PRKACB: variants seen among roughly 807,000 people sequenced by gnomAD.
PRKACB encodes the protein cAMP-dependent protein kinase catalytic subunit beta.
PRKACB carries 16 observed loss-of-function variants against 51.4 expected under a neutral mutation model. That is an observed-to-expected ratio of 0.31 (90% CI 0.21 to 0.47). PRKACB has a LOEUF of 0.47. PRKACB is among the 20% of genes least tolerant of loss of function. The pLI, the probability that PRKACB is intolerant of heterozygous loss-of-function variation, is 1.00. For synonymous variants in PRKACB, 147 were observed against 154.4 expected (o/e 0.95, Z 0.35); for missense variants, 309 against 464.5 (o/e 0.67, Z 3.08).
intron 1 of PRKACB, chr1:84,086,022 G>A: frequency 3.6e-6 from 3 of 822,120 alleles, no homozygotes; most frequent in Non-Finnish European, 6.5e-6. Context: ...AAGATCCTGG[G>A]GCTGAGGTTA....
At chr1:84,187,291 G>T (rs1377375787) in intron 5 of PRKACB, among the ~76,000 whole-genome samples, 1 of 152,108 alleles carries the variant, frequency 6.6e-6, no homozygotes, top group African/African-American at 2.4e-5. Flanking sequence ...GGCTTTAGCA[G>T]GTCTCACCAG....
intron 1 of PRKACB, among the ~76,000 whole-genome samples, chr1:84,131,675 A>G (rs1265636431): frequency 6.6e-6 from 1 of 152,192 alleles, no homozygotes; most frequent in African/African-American, 2.4e-5. Flanking sequence ...TCTGGAGAGA[A>G]AAGCAAATCC....
Position 84,236,006 on chromosome 1 carries a change from G to A in PRKACB, c.*701G>A, listed in dbSNP as rs1482382144. 6.6e-6 allele frequency: 1 copy of A among 152,570 alleles called. No individual in the cohort carries two copies. Among genetic ancestry groups the A allele is most frequent in the Non-Finnish European group, 1.5e-5 (1 of 68,024 alleles). 9.5% of individuals were successfully genotyped at this position (152,570 alleles called of 1,614,324 possible). On this transcript the variant is annotated 3_prime_UTR_variant, in exon 10 of 10. Transcript: ENST00000370685. The stretch of plus-strand genomic sequence containing the variant: ...CTCTCCTTGAGTAATGAAGTGACCA[G>A]CCTGTGTAGTGTGACAAACGTGTCT...
intron 1 of PRKACB, among the ~76,000 whole-genome samples, chr1:84,110,481 C>T (rs1031208261): frequency 4.6e-5 from 7 of 151,686 alleles, no homozygotes; most frequent in African/African-American, 1.5e-4. Flanking sequence ...TCATCTTATT[C>T]TCAAATTCCC....
At chr1:84,152,493 A>T (rs1654965150) in intron 1 of PRKACB, among the ~76,000 whole-genome samples, 1 of 152,322 alleles carries the variant, frequency 6.6e-6, no homozygotes. Flanking sequence ...TTCTGCATTG[A>T]AAATCTGTTG....
At chr1:84,103,435 G>T (rs1649503749) in intron 1 of PRKACB, among the ~76,000 whole-genome samples, 1 of 151,822 alleles carries the variant, frequency 6.6e-6, no homozygotes, top group Non-Finnish European at 1.5e-5. Flanking sequence ...GTGTGGGGGT[G>T]GGGGGTAGAG....
intron 1 of PRKACB, among the ~76,000 whole-genome samples, chr1:84,174,806 A>C (rs1660682519): frequency 6.6e-6 from 1 of 151,912 alleles, no homozygotes; most frequent in South Asian, 2.1e-4. Context: ...TGTTGTTTTA[A>C]GGAAAATAAG....
At chr1:84,136,520 T>A (rs61769174) in intron 1 of PRKACB, among the ~76,000 whole-genome samples, 961 of 74,794 alleles carry the variant, frequency 0.013, 11 homozygotes, top group African/African-American at 0.035. Flanking sequence ...ACACACACAC[T>A]CACTCTGACT....
chr1:84,079,953 A>G (rs190789431), intron 1 of PRKACB, among the ~76,000 whole-genome samples: 84 of 152,192 alleles, frequency 5.5e-4, no homozygotes, highest in African/African-American at 2.0e-3. Flanking sequence ...GGCGTGAGCT[A>G]CCGTGCGTGA....
intron 1 of PRKACB, among the ~76,000 whole-genome samples, chr1:84,148,240 C>T (rs1468471839): frequency 6.6e-6 from 1 of 152,080 alleles, no homozygotes; most frequent in Non-Finnish European, 1.5e-5. Context: ...TCTCAGGTAT[C>T]ATCTCTGTAA....
intron 8 of PRKACB, among the ~76,000 whole-genome samples, chr1:84,213,947 C>A (rs532866623): frequency 6.6e-6 from 1 of 152,294 alleles, no homozygotes; most frequent in South Asian, 2.1e-4. Context: ...CCTAAGAGAA[C>A]AGGTTTAGTT....
At chr1:84,115,122 A>G (rs1650528889) in intron 1 of PRKACB, among the ~76,000 whole-genome samples, 1 of 151,888 alleles carries the variant, frequency 6.6e-6, no homozygotes, top group East Asian at 1.9e-4. Flanking sequence ...ACCATTTTCC[A>G]TAGTGGCAGT....
At chr1:84,092,535 G>A (rs537296614) in intron 1 of PRKACB, among the ~76,000 whole-genome samples, 1 of 152,218 alleles carries the variant, frequency 6.6e-6, no homozygotes, top group East Asian at 1.9e-4. Context: ...ATGAATATGT[G>A]TTATGTATAC....
At chr1:84,198,759 A>G (rs1668908897) in intron 7 of PRKACB, among the ~76,000 whole-genome samples, 1 of 150,582 alleles carries the variant, frequency 6.6e-6, no homozygotes, top group Non-Finnish European at 1.5e-5. Context: ...TAAACAAACA[A>G]CCAAAAAAAA....
intron 1 of PRKACB, among the ~76,000 whole-genome samples, chr1:84,097,781 G>T (rs1649037893): frequency 6.6e-6 from 1 of 151,810 alleles, no homozygotes; most frequent in Non-Finnish European, 1.5e-5. Context: ...AGTCTTAAAA[G>T]AAAAGAAAAA....
At chr1:84,175,228 T>C (rs1039820070) in intron 1 of PRKACB, among the ~76,000 whole-genome samples, 4 of 151,782 alleles carry the variant, frequency 2.6e-5, no homozygotes, top group Non-Finnish European at 4.4e-5. Flanking sequence ...TTTATCTATA[T>C]AAATGATTTA....
At chr1:84,232,782 C>G (rs2101709781) in intron 9 of PRKACB, among the ~76,000 whole-genome samples, 1 of 152,110 alleles carries the variant, frequency 6.6e-6, no homozygotes, top group Admixed American at 6.5e-5. Flanking sequence ...TTCCTCCATC[C>G]TTTTATTTTG....
chr1:84,227,555 T>C (rs1459560162), intron 9 of PRKACB, among the ~76,000 whole-genome samples: 1 of 152,216 alleles, frequency 6.6e-6, no homozygotes, highest in Non-Finnish European at 1.5e-5. Flanking sequence ...GTGTTTAATT[T>C]TTAATAATTA....
intron 9 of PRKACB, among the ~76,000 whole-genome samples, chr1:84,224,037 T>A (rs979882317): frequency 6.6e-6 from 1 of 152,224 alleles, no homozygotes; most frequent in Non-Finnish European, 1.5e-5. Flanking sequence ...GTTTAGCTTT[T>A]ATTCTGGGTG....
Sources: gnomAD v4.1 joint callset for allele counts (sites outside exome capture counted in the v4.1 genomes callset) on GRCh38, gnomAD v4.1.1 for gene constraint, MANE v1.5 for transcripts, NCBI Gene and HGNC (gene_info 2026-07-23, HGNC 2026-07-21) for gene names.